Variants in UPP1 observed in about 807,000 individuals in gnomAD.
The protein encoded by UPP1 is uridine phosphorylase 1.
Under a neutral mutation model 29.6 loss-of-function variants are expected in UPP1, and 25 were observed. That is an observed-to-expected ratio of 0.85 (90% CI 0.62 to 1.18). UPP1 has a LOEUF of 1.18. UPP1 is among the 50% of genes most tolerant of loss of function. The pLI, the probability that UPP1 is intolerant of heterozygous loss-of-function variation, is 0.00. For synonymous variants in UPP1, 165 were observed against 159.8 expected, an observed-to-expected ratio of 1.03 and a Z score of -0.25; for missense variants, 368 against 410.4, an observed-to-expected ratio of 0.90 and a Z score of 0.89.
At chr7:48,100,470 G>A (rs1792362517) in intron 4 of UPP1, among the ~76,000 whole-genome samples, 1 of 152,140 alleles carries the variant, frequency 6.6e-6, no homozygotes, top group Non-Finnish European at 1.5e-5. Context: ...ATTGTATTTT[G>A]TTTGTAATAT....
chr7:48,104,293 C>T (rs1172100931), intron 6 of UPP1, among the ~76,000 whole-genome samples: 1 of 152,162 alleles, frequency 6.6e-6, no homozygotes, highest in African/African-American at 2.4e-5. Context: ...AATGAGAAAG[C>T]AAAAGCTAAC....
intron 1 of UPP1, 58 bp downstream of exon 1, chr7:48,089,476 C>T (rs73337874): frequency 0.075 from 11,404 of 152,666 alleles, 1,393 homozygotes; most frequent in African/African-American, 0.26. Flanking sequence ...CTAGCCCGTC[C>T]CCTGCCTTGG....
chr7:48,097,608 C>G (rs919832749), intron 3 of UPP1, among the ~76,000 whole-genome samples: 1 of 152,152 alleles, frequency 6.6e-6, no homozygotes, highest in African/African-American at 2.4e-5. Flanking sequence ...TTCTCAGAAT[C>G]AAGGAGAAAA....
intron 5 of UPP1, among the ~76,000 whole-genome samples, chr7:48,102,727 G>C (rs1792499735): frequency 6.6e-6 from 1 of 152,194 alleles, no homozygotes; most frequent in African/African-American, 2.4e-5. Context: ...TTCATCCGGG[G>C]AGAGGCATCA....
At chr7:48,103,539 G>A (rs908242437) in intron 6 of UPP1, 128 bp downstream of exon 6, 1 of 937,062 alleles carries the variant, frequency 1.1e-6, no homozygotes, top group Non-Finnish European at 1.7e-6. Context: ...AGGGAAGCTT[G>A]TTAACAGGAG....
rs1792888066 is a variant in UPP1 at position 48,108,341 on chromosome 7, A to G, written c.917A>G (p.Lys306Arg). Residue 306 changes from lysine (K) to arginine (R), a missense_variant, in exon 9 of 9, where the codon AAA (lysine) becomes AGA (arginine). Lys to Arg is a conservative substitution (Grantham distance 26). Coordinates refer to ENST00000395564, the MANE Select transcript of UPP1 (RefSeq NM_003364.4). ...QRLVSYFIKK[K>R]LSKA ...CTGGTGAGCTACTTCATCAAGAAGA[A>G]ACTGAGCAAGGCCTGAGCGCTGCCC... The G allele has an allele frequency of 6.2e-7, 1 of 1,614,002 alleles. No individual in the cohort carries two copies. The highest frequency in any genetic ancestry group is 8.5e-7 in the Non-Finnish European group (1 of 1,179,862).
rs778466788 is a variant in UPP1 at position 48,094,860 on chromosome 7, G to T, written c.44+33G>T. 10 of 1,610,452 alleles carry T rather than the reference G, an allele frequency of 6.2e-6. No individual in the cohort carries two copies. In the South Asian group the frequency reaches 9.9e-5, roughly 16 times the overall value. Reference sequence around the variant, plus strand: ...TCCATTTCATTCCAGGTTGGGTTGGGTGGGGTTGGGTTGTTTATAGAGCAT... The same window carrying T: ...TCCATTTCATTCCAGGTTGGGTTGGTTGGGGTTGGGTTGTTTATAGAGCAT... On this transcript the variant is annotated intron_variant, in intron 3 of 8. Transcript: ENST00000395564.
rs754096835 is a variant in UPP1, at chr7:48,106,895, C to G, written c.459C>G (p.Val153=). The change falls in exon 7 of 9, where the codon GTC becomes GTG. Residue 153 remains valine (V), a synonymous_variant. Transcript: ENST00000395564. The part of the protein sequence containing the change: ...GGIGLEPGTV[V]ITEQAVDTCF... Reference sequence around the variant, plus strand: ...CAGGTCTGGAGCCCGGCACTGTGGTCATAACAGAGCAGGCAGTGGATACCT... The same window carrying G: ...CAGGTCTGGAGCCCGGCACTGTGGTGATAACAGAGCAGGCAGTGGATACCT... The G allele has an allele frequency of 3.7e-6, 6 of 1,613,774 alleles. No homozygotes were observed. In the Admixed American group the frequency reaches 6.7e-5, roughly 18 times the overall value.
chr7:48,092,073 G>C (rs1791869485), intron 2 of UPP1, among the ~76,000 whole-genome samples: 1 of 152,102 alleles, frequency 6.6e-6, no homozygotes, highest in Admixed American at 6.5e-5. Flanking sequence ...GCTGGCCCAA[G>C]GGAGCTCACC....
At chr7:48,099,895 T>C in intron 4 of UPP1, 108 bp downstream of exon 4, 1 of 759,808 alleles carries the variant, frequency 1.3e-6, no homozygotes, top group South Asian at 1.7e-5. Flanking sequence ...AGCTGACAGG[T>C]TTATGAAGAC....
At chr7:48,093,583 C>T (rs1791964806) in intron 2 of UPP1, among the ~76,000 whole-genome samples, 2 of 152,170 alleles carry the variant, frequency 1.3e-5, no homozygotes, top group African/African-American at 4.8e-5. Context: ...TGAGTCTCAC[C>T]CTCCTTCAAA....
chr7:48,096,268 G>A (rs1476763489), intron 3 of UPP1, among the ~76,000 whole-genome samples: 1 of 152,216 alleles, frequency 6.6e-6, no homozygotes, highest in African/African-American at 2.4e-5. Context: ...AGGCAGTCAG[G>A]TGTAGAGCTC....
intron 6 of UPP1, among the ~76,000 whole-genome samples, chr7:48,104,353 A>T (rs1413516864): frequency 1.3e-5 from 2 of 152,228 alleles, no homozygotes; most frequent in African/African-American, 4.8e-5. Context: ...TGTTTTAAAT[A>T]CGTGGTCTTG....
At position 48,103,347 on chromosome 7, in the gene UPP1, G is replaced by A. The variant is rs1358504626; in HGVS notation, c.372G>A (p.Lys124=). The part of the protein sequence containing the change: ...SISIMLHELI[K]LLYYARCSNV... Reference sequence around the variant, plus strand: ...CAATCATGTTGCATGAGCTCATAAAGCTGCTGTACTATGCCCGGTGCTCCA... The same window carrying A: ...CAATCATGTTGCATGAGCTCATAAAACTGCTGTACTATGCCCGGTGCTCCA... The change falls in exon 6 of 9, where the codon AAG becomes AAA. Residue 124 remains lysine (K), a synonymous_variant. Coordinates refer to ENST00000395564, the MANE Select transcript of UPP1 (RefSeq NM_003364.4). 7.4e-6 allele frequency: 12 copies of A among 1,613,944 alleles called. No individual in the cohort carries two copies. Among genetic ancestry groups the A allele is most frequent in the Non-Finnish European group, 1.0e-5 (12 of 1,179,960 alleles).
intron 5 of UPP1, among the ~76,000 whole-genome samples, chr7:48,102,903 G>C (rs546559681): frequency 1.4e-4 from 22 of 152,318 alleles, no homozygotes; most frequent in Non-Finnish European, 1.9e-4. Context: ...TGAAGCAGAG[G>C]GTGTAGGGAG....
At chr7:48,089,790 C>G (rs1035319039) in intron 1 of UPP1, among the ~76,000 whole-genome samples, 1 of 152,074 alleles carries the variant, frequency 6.6e-6, no homozygotes, top group African/African-American at 2.4e-5. Context: ...CCGGCAGGGT[C>G]AGGTCCCGCA....
chr7:48,107,383 T>C lies in UPP1; in HGVS notation c.669T>C (p.Ala223=), dbSNP rs1209734861. 1 of 1,613,618 alleles carries C rather than the reference T, an allele frequency of 6.2e-7. No individual in the cohort carries two copies. The highest frequency in any genetic ancestry group is 8.5e-7 in the Non-Finnish European group (1 of 1,179,668). The change falls in exon 8 of 9, where the codon GCT becomes GCC. Residue 223 remains alanine, a synonymous_variant. Coordinates refer to ENST00000395564, the MANE Select transcript of UPP1 (RefSeq NM_003364.4). ...CAGGGCAAGGCCGTCTGGATGGGGCTCTCTGCTCCTACACGGAGAAGGACA... is the reference window on the plus strand; with the variant it reads ...CAGGGCAAGGCCGTCTGGATGGGGCCCTCTGCTCCTACACGGAGAAGGACA... The part of the protein sequence containing the change: ...FYEGQGRLDG[A]LCSYTEKDKQ...
At chr7:48,095,140 C>T (rs568256914) in intron 3 of UPP1, among the ~76,000 whole-genome samples, 1 of 152,246 alleles carries the variant, frequency 6.6e-6, no homozygotes, top group East Asian at 1.9e-4. Context: ...AACAAAATCC[C>T]CTGCTTATCA....
In UPP1 at chr7:48,107,510, A is replaced by G; in HGVS notation, c.793+3A>G. 6.2e-7 allele frequency: 1 copy of G among 1,602,512 alleles called. No homozygotes were observed. Among genetic ancestry groups the G allele is most frequent in the East Asian group, 2.2e-5 (1 of 44,612 alleles). On this transcript the variant is annotated splice_donor_region_variant and intron_variant, in intron 8 of 8. Transcript: ENST00000395564. ...GTGCAGCGCCTGCGGCCTCCAAGGT[A>G]AGCGGCACTTGATGGGCCTCGGCGT...
Sources: gnomAD v4.1 joint callset for allele counts (sites outside exome capture counted in the v4.1 genomes callset) on GRCh38, gnomAD v4.1.1 for gene constraint, MANE v1.5 for transcripts, NCBI Gene and HGNC (gene_info 2026-07-23, HGNC 2026-07-21) for gene names.